The following CEP15 variants were observed in gnomAD, a reference collection of about 807,000 sequenced individuals.
CEP15 encodes the protein centrosomal protein 15 kDa.
the CEP15 span, chr3:62,334,774 C>T: frequency 5.6e-4 from 85 of 152,264 alleles, no homozygotes; most frequent in Middle Eastern, 6.8e-3. The surrounding 1 kb of genome is among the most constrained non-coding windows in gnomAD (Gnocchi z 4.9). Context: ...CAAGAATGTT[C>T]TGTCATGAAA....
the CEP15 span, chr3:62,334,704 G>A: frequency 6.6e-6 from 1 of 152,170 alleles, no homozygotes; most frequent in Admixed American, 6.5e-5. The surrounding 1 kb of genome is among the most constrained non-coding windows in gnomAD (Gnocchi z 4.9). Context: ...GAAAAAAGAA[G>A]ACAGAGGAAG....
chr3:62,321,933 A>G, the CEP15 span: 22 of 1,587,532 alleles, frequency 1.4e-5, no homozygotes, highest in Non-Finnish European at 1.8e-5. This position sits in a 1 kb window ranked among gnomAD's most constrained non-coding sequence, Gnocchi z 4.1. Flanking sequence ...TTTCTAGAGT[A>G]TCACAAAGAT....
At chr3:62,319,303 G>T in the CEP15 span, 1 of 152,244 alleles carries the variant, frequency 6.6e-6, no homozygotes, top group African/African-American at 2.4e-5. Flanking sequence ...GGGCCTCACA[G>T]AAAAGTTACC....
the CEP15 span, chr3:62,323,893 G>A: frequency 6.6e-6 from 1 of 152,070 alleles, no homozygotes; most frequent in South Asian, 2.1e-4. Flanking sequence ...TTTTCTTTCA[G>A]TACTTCAATA....
chr3:62,328,023 C>A, the CEP15 span, among the ~76,000 whole-genome samples: 1 of 152,118 alleles, frequency 6.6e-6, no homozygotes, highest in Non-Finnish European at 1.5e-5. Flanking sequence ...TTATTCCAGG[C>A]TCATTGTGTG....
chr3:62,329,156 A>T, the CEP15 span, among the ~76,000 whole-genome samples: 1 of 152,192 alleles, frequency 6.6e-6, no homozygotes, highest in African/African-American at 2.4e-5. Context: ...TGAAATGGAA[A>T]GGCTAGGAGA....
the CEP15 span, among the ~76,000 whole-genome samples, chr3:62,330,520 A>C: frequency 6.6e-6 from 1 of 152,184 alleles, no homozygotes; most frequent in Non-Finnish European, 1.5e-5. Context: ...CATTTACTTC[A>C]TGTATATATC....
chr3:62,331,130 G>T, the CEP15 span, among the ~76,000 whole-genome samples: 1 of 151,752 alleles, frequency 6.6e-6, no homozygotes, highest in South Asian at 2.1e-4. Context: ...ATCAAAATAA[G>T]AAATGCTGTA....
chr3:62,319,642 G>A, the CEP15 span: 1 of 152,226 alleles, frequency 6.6e-6, no homozygotes, highest in Non-Finnish European at 1.5e-5. Flanking sequence ...TCTTTATAGA[G>A]TGCATAGATG....
chr3:62,334,963 A>G, the CEP15 span: 18 of 151,978 alleles, frequency 1.2e-4, no homozygotes, highest in African/African-American at 4.3e-4. This position sits in a 1 kb window ranked among gnomAD's most constrained non-coding sequence, Gnocchi z 4.9. Context: ...CAGCATATGC[A>G]CATAAGAAGG....
At chr3:62,321,576 T>C in the CEP15 span, among the ~76,000 whole-genome samples, 1 of 152,148 alleles carries the variant, frequency 6.6e-6, no homozygotes, top group African/African-American at 2.4e-5. The surrounding 1 kb of genome is among the most constrained non-coding windows in gnomAD (Gnocchi z 4.1). Flanking sequence ...TATAACTATG[T>C]GTACAAAGGG....
At chr3:62,329,661 G>A in the CEP15 span, among the ~76,000 whole-genome samples, 1 of 152,160 alleles carries the variant, frequency 6.6e-6, no homozygotes, top group Non-Finnish European at 1.5e-5. Flanking sequence ...CAGGCCACAT[G>A]TCTCCTATTT....
the CEP15 span, among the ~76,000 whole-genome samples, chr3:62,325,531 G>C: frequency 6.6e-6 from 1 of 152,296 alleles, no homozygotes; most frequent in South Asian, 2.1e-4. Context: ...TATCATAAAA[G>C]ATAGTGAACT....
At chr3:62,328,098 A>G in the CEP15 span, among the ~76,000 whole-genome samples, 3 of 152,174 alleles carry the variant, frequency 2.0e-5, no homozygotes, top group African/African-American at 7.2e-5. Context: ...TTGGCAGGAA[A>G]TATATTTAGA....
At chr3:62,324,940 A>G in the CEP15 span, among the ~76,000 whole-genome samples, 1 of 152,234 alleles carries the variant, frequency 6.6e-6, no homozygotes, top group Non-Finnish European at 1.5e-5. Context: ...TGATATGGTT[A>G]TATACTTTAA....
At chr3:62,334,258 A>T in the CEP15 span, 1 of 151,892 alleles carries the variant, frequency 6.6e-6, no homozygotes, top group Admixed American at 6.6e-5. This position sits in a 1 kb window ranked among gnomAD's most constrained non-coding sequence, Gnocchi z 4.9. Context: ...GAAAAAAAAA[A>T]TATGTATATA....
the CEP15 span, among the ~76,000 whole-genome samples, chr3:62,321,669 T>TA: frequency 1.3e-5 from 2 of 152,030 alleles, no homozygotes. This position sits in a 1 kb window ranked among gnomAD's most constrained non-coding sequence, Gnocchi z 4.1. Context: ...CCAGAGAGGC[T>TA]AAAAAAACAG....
the CEP15 span, chr3:62,334,326 A>T: frequency 3.3e-5 from 5 of 152,114 alleles, no homozygotes; most frequent in African/African-American, 1.2e-4. The surrounding 1 kb of genome is among the most constrained non-coding windows in gnomAD (Gnocchi z 4.9). Context: ...GCTATATTAC[A>T]ATGAAATGTT....
At chr3:62,324,727 G>C in the CEP15 span, among the ~76,000 whole-genome samples, 2 of 152,148 alleles carry the variant, frequency 1.3e-5, no homozygotes, top group Admixed American at 6.5e-5. Context: ...TCTAGGACAG[G>C]TACTTCAGAA....
Sources: allele counts gnomAD v4.1 joint callset (sites outside exome capture counted in the v4.1 genomes callset), GRCh38; gene constraint gnomAD v4.1.1; non-coding constraint Gnocchi (gnomAD v3.1); transcripts MANE v1.5; gene names NCBI Gene and HGNC (gene_info 2026-07-23, HGNC 2026-07-21).